The following JPH2 variants were observed in gnomAD, a reference collection of about 807,000 sequenced individuals.
JPH2 encodes the protein junctophilin 2.
JPH2 carries 38 observed loss-of-function variants against 55.9 expected under a neutral mutation model. The ratio of observed to expected loss-of-function variants is 0.68; its 90% CI spans 0.52 to 0.89. The LOEUF (loss-of-function observed/expected upper bound fraction) is 0.89. JPH2 is among the 40% of genes least tolerant of loss of function. The probability of loss-of-function intolerance (pLI) is 0.00; values close to 1 mark genes in which losing one functional copy is unlikely to be tolerated. For missense variants in JPH2, 964 were observed against 1,037.6 expected (o/e 0.93, Z 0.97); for synonymous variants, 480 against 472.4 (o/e 1.02, Z -0.21).
intron 1 of JPH2, among the ~76,000 whole-genome samples, chr20:44,171,856 C>T (rs1375562408): frequency 6.6e-6 from 1 of 152,178 alleles, no homozygotes; most frequent in Non-Finnish European, 1.5e-5. Context: ...TTGTTAGATG[C>T]CGGTCTCTGC....
rs2072389645 is a variant in JPH2, at chr20:44,134,723, T to TAAAA, written c.1170-16101_1170-16100insTTTT. Among the ~76,000 whole-genome samples the TAAAA allele has an allele frequency of 2.6e-5, 2 of 76,032 alleles. 1 individual carries two copies. Among genetic ancestry groups the TAAAA allele is most frequent in the South Asian group, 8.4e-4 (2 of 2,376 alleles). The allele number at this position is 76,032 out of a possible 152,430, so 49.9% of individuals were successfully genotyped here. On this transcript the variant is annotated intron_variant, in intron 2 of 5. Transcript: ENST00000372980. ...TACATTAATATATATTATAAATATATATTTATTATAAATATATAAAGATAT... is the reference window on the plus strand; with the variant it reads ...TACATTAATATATATTATAAATATATAAAAATTTATTATAAATATATAAAGATAT...
At position 44,110,601 on chromosome 20, in the gene JPH2, TTTC is replaced by T. The variant is rs1381183924; in HGVS notation, c.*2914_*2916del. Among the ~76,000 whole-genome samples the T allele has an allele frequency of 1.3e-5, 2 of 152,082 alleles. No homozygotes were observed. Among genetic ancestry groups the T allele is most frequent in the African/African-American group, 2.4e-5 (1 of 41,396 alleles). ...CACCACACTTGGCTAATTTTTGTAT[TTTC>T]TTTTTTAGTAGAGATGGGGTTTTGC... is the stretch of plus-strand genomic sequence containing the variant. On this transcript the variant is annotated 3_prime_UTR_variant, in exon 6 of 6. Coordinates refer to ENST00000372980, the MANE Select transcript of JPH2 (RefSeq NM_020433.5).
Position 44,116,148 on chromosome 20 carries a change from T to C in JPH2, c.1527A>G (p.Pro509=). 1 of 1,430,646 alleles carries C rather than the reference T, an allele frequency of 7.0e-7. No homozygotes were observed. Among genetic ancestry groups the C allele is most frequent in the Non-Finnish European group, 9.1e-7 (1 of 1,102,516 alleles). The allele number at this position is 1,430,646 out of a possible 1,614,324, so 88.6% of individuals were successfully genotyped here. The change falls in exon 4 of 6, where the codon CCA becomes CCG. Residue 509 remains proline, a synonymous_variant. Transcript: ENST00000372980. ...CGCTGGGCTCGCCGTTCCAGGCGCC[T>C]GGGCTCAGCAGGCCGTCCTTGGACA... ...PGVSKDGLLS[P]GAWNGEPSGE...
rs181939008 is a variant in JPH2 at position 44,136,150 on chromosome 20, C to T, written c.1170-17527G>A. Among the ~76,000 whole-genome samples, 13 of 152,296 alleles carry T rather than the reference C, an allele frequency of 8.5e-5. No homozygotes were observed. In the East Asian group the frequency reaches 1.9e-3, roughly 23 times the overall value. ...GAAGCCTTGGGCAATGGAGCTGACACAAAAATGTGATCATGTACCATGGAT... is the reference window on the plus strand; with the variant it reads ...GAAGCCTTGGGCAATGGAGCTGACATAAAAATGTGATCATGTACCATGGAT... On this transcript the variant is annotated intron_variant, in intron 2 of 5. Coordinates refer to ENST00000372980, the MANE Select transcript of JPH2 (RefSeq NM_020433.5).
rs1449282624 is a variant in JPH2 at position 44,109,307 on chromosome 20, G to A, written c.*4211C>T. On this transcript the variant is annotated 3_prime_UTR_variant, in exon 6 of 6. Coordinates refer to ENST00000372980, the MANE Select transcript of JPH2 (RefSeq NM_020433.5). ...ACTGCGAAGAATGGAAAATAGCAGT[G>A]CATTTACCATCTGCTCACACCATGC... Among the ~76,000 whole-genome samples the A allele has an allele frequency of 6.6e-6, 1 of 152,232 alleles. No homozygotes were observed. Among genetic ancestry groups the A allele is most frequent in the Non-Finnish European group, 1.5e-5 (1 of 68,040 alleles).
At chr20:44,182,458 G>T (rs2145901046) in intron 1 of JPH2, among the ~76,000 whole-genome samples, 1 of 152,274 alleles carries the variant, frequency 6.6e-6, no homozygotes, top group Middle Eastern at 3.4e-3. Flanking sequence ...TGGTCACCTG[G>T]CCTGAAGAGC....
intron 2 of JPH2, among the ~76,000 whole-genome samples, chr20:44,154,656 C>G (rs762863928): frequency 6.6e-6 from 1 of 152,186 alleles, no homozygotes; most frequent in Non-Finnish European, 1.5e-5. Flanking sequence ...AGAGAAAGCC[C>G]GGGCCTGCCT....
chr20:44,123,560 C>T (rs982318905), intron 2 of JPH2, among the ~76,000 whole-genome samples: 2 of 152,194 alleles, frequency 1.3e-5, no homozygotes, highest in African/African-American at 4.8e-5. Context: ...GACCCTTGCC[C>T]AAGGCAGTCT....
chr20:44,184,814 C>A (rs951073808), intron 1 of JPH2, among the ~76,000 whole-genome samples: 9 of 152,230 alleles, frequency 5.9e-5, no homozygotes, highest in Non-Finnish European at 1.3e-4. Flanking sequence ...AGACCAAGCT[C>A]AGGCGTCAGC....
intron 2 of JPH2, among the ~76,000 whole-genome samples, chr20:44,157,581 C>T (rs1417140517): frequency 6.6e-6 from 1 of 152,190 alleles, no homozygotes; most frequent in Non-Finnish European, 1.5e-5. Context: ...TGTGAGCCAC[C>T]TGACCTGCAC....
intron 4 of JPH2, 41 bp downstream of exon 4, chr20:44,115,624 A>G: frequency 6.2e-7 from 1 of 1,611,328 alleles, no homozygotes; most frequent in Non-Finnish European, 8.5e-7. Context: ...TGCTACCTCT[A>G]GGGAACCCGA....
At position 44,187,037 on chromosome 20, in the gene JPH2, T is replaced by C; in HGVS notation, c.-332A>G. The C allele has an allele frequency of 2.5e-6, 1 of 393,274 alleles. No individual in the cohort carries two copies. Among genetic ancestry groups the C allele is most frequent in the Non-Finnish European group, 4.7e-6 (1 of 214,298 alleles). 24.4% of individuals were successfully genotyped at this position (393,274 alleles called of 1,614,324 possible). Reference sequence around the variant, plus strand: ...AGAAGTCCAAGGGAAAACGGTGTGATCTCTTTAAGAAGCCCAGTGAAAGGG... The same window carrying C: ...AGAAGTCCAAGGGAAAACGGTGTGACCTCTTTAAGAAGCCCAGTGAAAGGG... On this transcript the variant is annotated 5_prime_UTR_variant, in exon 1 of 6. Transcript: ENST00000372980.
chr20:44,109,562 G>T lies in JPH2; in HGVS notation c.*3956C>A, dbSNP rs1233471034. 6.6e-6 allele frequency among the ~76,000 whole-genome samples: 1 copy of T among 152,230 alleles called. No individual in the cohort carries two copies. Among genetic ancestry groups the T allele is most frequent in the Non-Finnish European group, 1.5e-5 (1 of 68,046 alleles). On this transcript the variant is annotated 3_prime_UTR_variant, in exon 6 of 6. Transcript: ENST00000372980. ...CCACCTGACTCCATTGAGTGTACCA[G>T]CAAGACAGGCTGAGAGAGTGAGGGA...
intron 1 of JPH2, among the ~76,000 whole-genome samples, chr20:44,179,960 C>G (rs2072766649): frequency 6.6e-6 from 1 of 152,212 alleles, no homozygotes; most frequent in Admixed American, 6.5e-5. Context: ...TGGCTCACCC[C>G]TGTAATCCCA....
rs535001589 is a variant in JPH2, at chr20:44,138,157, G to A, written c.1170-19534C>T. ...TGAGTAGCGGGGATTACAGGTGCCC[G>A]CCACCACGCCCGGCCAATTTTTGTA... On this transcript the variant is annotated intron_variant, in intron 2 of 5. Transcript: ENST00000372980. Among the ~76,000 whole-genome samples, 24 of 151,342 alleles carry A rather than the reference G, an allele frequency of 1.6e-4. 1 individual carries two copies. The South Asian group carries it at 3.6e-3, about 22-fold the overall frequency.
rs749901766 is a variant in JPH2, at chr20:44,177,911, C to T, written c.379+8416G>A. ...TTTCCTATGTGCCAGGCATGATGCT[C>T]AGTGCTTCATTGTCTTGTTTCATTG... is the stretch of plus-strand genomic sequence containing the variant. On this transcript the variant is annotated intron_variant, in intron 1 of 5. Coordinates refer to ENST00000372980, the MANE Select transcript of JPH2 (RefSeq NM_020433.5). The T allele has an allele frequency of 9.3e-6, 14 of 1,507,292 alleles. 1 individual carries two copies. The South Asian group carries it at 1.4e-4, about 15-fold the overall frequency. The allele number at this position is 1,507,292 out of a possible 1,614,324, so 93.4% of individuals were successfully genotyped here.
chr20:44,158,874 T>G (rs2145877937), intron 2 of JPH2, among the ~76,000 whole-genome samples: 3 of 152,106 alleles, frequency 2.0e-5, no homozygotes, highest in Middle Eastern at 3.4e-3. Flanking sequence ...GGCTGGATGT[T>G]AAGATGGGTG....
At chr20:44,133,352 C>T (rs2072338238) in intron 2 of JPH2, among the ~76,000 whole-genome samples, 1 of 151,890 alleles carries the variant, frequency 6.6e-6, no homozygotes, top group Non-Finnish European at 1.5e-5. Flanking sequence ...TAAAATCTCA[C>T]ATCTATTGGT....
At chr20:44,124,478 T>G (rs552951429) in intron 2 of JPH2, among the ~76,000 whole-genome samples, 1 of 152,074 alleles carries the variant, frequency 6.6e-6, no homozygotes, top group African/African-American at 2.4e-5. Flanking sequence ...GCTAGGCACT[T>G]TTCTGGGCAC....
Sources: allele counts gnomAD v4.1 joint callset (sites outside exome capture counted in the v4.1 genomes callset), GRCh38; gene constraint gnomAD v4.1.1; transcripts MANE v1.5; gene names NCBI Gene and HGNC (gene_info 2026-07-23, HGNC 2026-07-21).